Variants in MBP observed in about 807,000 individuals in gnomAD.
MBP encodes Golli-MBP.
A neutral mutation model predicts 35.8 loss-of-function variants in MBP; 16 were observed. The observed-to-expected ratio is 0.45, with a 90% confidence interval of 0.30 to 0.68. MBP has a LOEUF of 0.68. MBP is among the 30% of genes least tolerant of loss of function. MBP has a pLI of 0.08. For synonymous variants in MBP, 143 were observed against 159.6 expected, an observed-to-expected ratio of 0.90 and a Z score of 0.78; for missense variants, 380 against 404.7, an observed-to-expected ratio of 0.94 and a Z score of 0.52.
intron 2 of MBP, 54 bp from the exon 3 acceptor site, chr18:77,066,439 C>T (rs1289605855): frequency 2.2e-5 from 25 of 1,150,972 alleles, no homozygotes; most frequent in Non-Finnish European, 3.1e-5. Context: ...GTTTTATCAA[C>T]AAAATAATTG....
chr18:77,108,346 G>A (rs1976343433), intron 1 of MBP: 1 of 152,242 alleles, frequency 6.6e-6, no homozygotes, highest in Non-Finnish European at 1.5e-5. Context: ...GGGTAAACAT[G>A]TGAAATGCTG....
At chr18:76,985,298 C>A (rs1203300141) in intron 7 of MBP, 1 of 1,302,950 alleles carries the variant, frequency 7.7e-7, no homozygotes, top group Non-Finnish European at 1.0e-6. Context: ...GGACTCGGAC[C>A]CTGGGGGGCT....
intron 3 of MBP, 199 bp downstream of exon 3, chr18:77,066,099 G>A (rs1366676474): frequency 1.9e-6 from 1 of 525,962 alleles, no homozygotes; most frequent in Non-Finnish European, 3.4e-6. Context: ...CTGGGCTCAA[G>A]CGATCCTCTT....
chr18:77,125,329 G>A (rs769734806), intron 1 of MBP, among the ~76,000 whole-genome samples: 4 of 151,782 alleles, frequency 2.6e-5, no homozygotes, highest in Non-Finnish European at 2.9e-5. Context: ...TAATTAGTTC[G>A]AACATATTAA....
At chr18:77,066,211 T>C in intron 3 of MBP, 87 bp downstream of exon 3, 1 of 942,066 alleles carries the variant, frequency 1.1e-6, no homozygotes, top group South Asian at 1.4e-5. Context: ...ACCCATGCAA[T>C]AAAAAAATCA....
intron 4 of MBP, among the ~76,000 whole-genome samples, chr18:76,997,733 A>T (rs1175502632): frequency 6.7e-6 from 1 of 149,062 alleles, no homozygotes; most frequent in Non-Finnish European, 1.5e-5. Context: ...CCCAGGCTGG[A>T]GTGCAGTGGC....
intron 3 of MBP, among the ~76,000 whole-genome samples, chr18:77,027,494 G>T (rs764251305): frequency 1.3e-5 from 2 of 152,128 alleles, no homozygotes; most frequent in East Asian, 1.9e-4. Flanking sequence ...CCAGGTCTCC[G>T]ACAGATAAGA....
chr18:77,123,891 G>A lies in MBP; in HGVS notation c.-26+8689C>T, dbSNP rs539501460. 9.8e-5 allele frequency among the ~76,000 whole-genome samples: 15 copies of A among 152,342 alleles called. No homozygotes were observed. The East Asian group carries it at 2.7e-3, about 27-fold the overall frequency. On this transcript the variant is annotated intron_variant, in intron 1 of 8. Coordinates refer to ENST00000355994, the MANE Select transcript of MBP (RefSeq NM_001025101.2). ...TTCTTAATCAGGCTCCAGGTGAAAA[G>A]CAGATCTGAGTAGAGCATTTCTCTG... is the stretch of plus-strand genomic sequence containing the variant.
At chr18:76,997,459 T>G (rs1442105920) in intron 4 of MBP, among the ~76,000 whole-genome samples, 2 of 152,250 alleles carry the variant, frequency 1.3e-5, no homozygotes. Context: ...AGAATTTTAC[T>G]GAGAAGCCAC....
intron 2 of MBP, among the ~76,000 whole-genome samples, chr18:77,100,627 C>T (rs563902981): frequency 2.6e-5 from 4 of 151,756 alleles, no homozygotes; most frequent in African/African-American, 4.8e-5. Flanking sequence ...CATGGCTCAC[C>T]GTAGCCTCGA....
At position 77,129,317 on chromosome 18, in the gene MBP, T is replaced by TA. The variant is rs551674679; in HGVS notation, c.-26+3262dup. Among the ~76,000 whole-genome samples the TA allele has an allele frequency of 5.9e-5, 9 of 152,380 alleles. No homozygotes were observed. In the South Asian group the frequency reaches 1.9e-3, roughly 32 times the overall value. On this transcript the variant is annotated intron_variant, in intron 1 of 8. Coordinates refer to ENST00000355994, the MANE Select transcript of MBP (RefSeq NM_001025101.2). The stretch of plus-strand genomic sequence containing the variant: ...ATGGCTATTGAGTGTGAGACATTAC[T>TA]AATAGCTTTGGAACATGCACTCGTG...
intron 3 of MBP, among the ~76,000 whole-genome samples, chr18:77,033,494 C>T (rs887511446): frequency 1.3e-5 from 2 of 152,094 alleles, no homozygotes; most frequent in African/African-American, 4.8e-5. Context: ...GTTTCTAAAA[C>T]TACTCTGGAA....
intron 4 of MBP, among the ~76,000 whole-genome samples, chr18:76,998,326 C>CT (rs1450603568): frequency 3.2e-5 from 3 of 93,736 alleles, no homozygotes; most frequent in Non-Finnish European, 6.7e-5. Flanking sequence ...CTGCGGCCCC[C>CT]GTCAGAATCC....
At chr18:77,084,431 C>CCACACACACACACA (rs60010988) in intron 2 of MBP, among the ~76,000 whole-genome samples, 13 of 105,964 alleles carry the variant, frequency 1.2e-4, no homozygotes, top group East Asian at 9.6e-4. Context: ...CCACACCACA[C>CCACACACACACACA]CACACACACA....
chr18:77,103,320 A>G (rs1457705269), intron 2 of MBP, among the ~76,000 whole-genome samples: 2 of 152,166 alleles, frequency 1.3e-5, no homozygotes, highest in Non-Finnish European at 2.9e-5. Context: ...TTCCGCGGAC[A>G]TTTCTAAAGC....
At chr18:76,984,695 C>T (rs760936882) in intron 8 of MBP, 80 bp downstream of exon 8, 14 of 1,597,832 alleles carry the variant, frequency 8.8e-6, no homozygotes, top group South Asian at 2.2e-5. Context: ...GAGGCGGCAG[C>T]CACCCTTGTA....
At chr18:77,062,811 G>A (rs1171757507) in intron 3 of MBP, among the ~76,000 whole-genome samples, 7 of 152,176 alleles carry the variant, frequency 4.6e-5, no homozygotes, top group Admixed American at 1.3e-4. Context: ...GTCTTAACTC[G>A]GGGACTCTCT....
intron 3 of MBP, among the ~76,000 whole-genome samples, chr18:77,061,671 G>A (rs1364206494): frequency 1.3e-5 from 2 of 152,216 alleles, no homozygotes; most frequent in African/African-American, 2.4e-5. Context: ...CATGGTTGAT[G>A]TGTTTGTGGT....
Position 77,009,953 on chromosome 18 carries a change from G to C in MBP, c.576+6879C>G. On this transcript the variant is annotated intron_variant, in intron 4 of 8. Transcript: ENST00000355994. The stretch of plus-strand genomic sequence containing the variant: ...TGCCGGGGGACACAGAGTGGGCTGC[G>C]TGAGTCCGGGTGGGCGCCGCCGGCA... 2.0e-6 allele frequency: 3 copies of C among 1,512,784 alleles called. No individual in the cohort carries two copies. The South Asian group carries it at 3.6e-5, about 18-fold the overall frequency. 93.7% of individuals were successfully genotyped at this position (1,512,784 alleles called of 1,614,324 possible). A position where few individuals can be genotyped will look rare whatever the true frequency, so the allele number is the denominator to read the frequency against.
Sources: allele counts gnomAD v4.1 joint callset (sites outside exome capture counted in the v4.1 genomes callset), GRCh38; gene constraint gnomAD v4.1.1; transcripts MANE v1.5; gene names NCBI Gene and HGNC (gene_info 2026-07-23, HGNC 2026-07-21).